EVI5: variants seen among roughly 807,000 people sequenced by gnomAD.
EVI5 encodes the protein ecotropic viral integration site 5 protein homolog.
In EVI5, 73 loss-of-function variants were observed where a neutral mutation model predicts 112.0. The observed-to-expected ratio is 0.65, with a 90% CI of 0.54 to 0.79. The LOEUF is 0.79. EVI5 is among the 30% of genes least tolerant of loss of function. The pLI, the probability that EVI5 is intolerant of heterozygous loss-of-function variation, is 0.00. For missense variants in EVI5, 900 were observed against 968.8 expected (o/e 0.93, Z 0.94); for synonymous variants, 305 against 319.9 (o/e 0.95, Z 0.50).
intron 19 of EVI5, among the ~76,000 whole-genome samples, chr1:92,560,508 G>A (rs956129872): frequency 6.6e-6 from 1 of 152,064 alleles, no homozygotes; most frequent in African/African-American, 2.4e-5. Flanking sequence ...GTAAACTTTT[G>A]ACTTGGACAC....
chr1:92,616,955 G>A (rs898492009), intron 16 of EVI5, among the ~76,000 whole-genome samples: 1 of 152,228 alleles, frequency 6.6e-6, no homozygotes, highest in East Asian at 1.9e-4. Context: ...GGACAAGTAA[G>A]TTTCATGAGG....
chr1:92,577,911 T>C (rs1396113829), intron 18 of EVI5, among the ~76,000 whole-genome samples: 1 of 152,164 alleles, frequency 6.6e-6, no homozygotes, highest in African/African-American at 2.4e-5. Context: ...TCTGGCTTTG[T>C]TGTTGTTTTT....
At position 92,533,403 on chromosome 1, in the gene EVI5, T is replaced by C. The variant is rs111369501; in HGVS notation, c.2167-19433A>G. Among the ~76,000 whole-genome samples the C allele has an allele frequency of 2.8e-3, 430 of 152,120 alleles. 1 individual carries two copies. Among genetic ancestry groups the C allele is most frequent in the African/African-American group, 9.2e-3 (383 of 41,492 alleles). On this transcript the variant is annotated intron_variant, in intron 19 of 19. Coordinates refer to ENST00000684568, the MANE Select transcript of EVI5 (RefSeq NM_001350197.2). ...TTCCTTCTGAAACTATTCCAAACGATAGAAAAAGAGGGAATCCTCCTTAAC... is the reference window on the plus strand; with the variant it reads ...TTCCTTCTGAAACTATTCCAAACGACAGAAAAAGAGGGAATCCTCCTTAAC...
chr1:92,769,634 C>A (rs1340455800), intron 1 of EVI5, among the ~76,000 whole-genome samples: 1 of 152,026 alleles, frequency 6.6e-6, no homozygotes, highest in African/African-American at 2.4e-5. Context: ...GCCTGTAATC[C>A]CAGCACTTTG....
At chr1:92,658,184 A>C (rs1026665932) in intron 13 of EVI5, among the ~76,000 whole-genome samples, 1 of 152,260 alleles carries the variant, frequency 6.6e-6, no homozygotes, top group African/African-American at 2.4e-5. Flanking sequence ...GAACAAGACA[A>C]GGATGCTTAC....
Position 92,532,975 on chromosome 1 carries a change from C to CA in EVI5, c.2167-19006dup, listed in dbSNP as rs548957506. ...GGAGATAGAGACACAAAAAACCCTT[C>CA]AAAAAAATCAATGAATCTAGGAACT... On this transcript the variant is annotated intron_variant, in intron 19 of 19. Coordinates refer to ENST00000684568, the MANE Select transcript of EVI5 (RefSeq NM_001350197.2). Among the ~76,000 whole-genome samples, 10 of 135,432 alleles carry CA rather than the reference C, an allele frequency of 7.4e-5. 1 individual carries two copies. The highest frequency in any genetic ancestry group is 4.9e-4 in the South Asian group (2 of 4,068). The allele number at this position is 135,432 out of a possible 152,430, so 88.8% of individuals were successfully genotyped here.
chr1:92,765,847 G>T (rs555458543), intron 1 of EVI5, among the ~76,000 whole-genome samples: 1 of 151,994 alleles, frequency 6.6e-6, no homozygotes, highest in Non-Finnish European at 1.5e-5. Flanking sequence ...AAGCCAAGGC[G>T]GGAGGGTCGC....
chr1:92,565,949 A>AAAAAAC (rs1491123314), intron 18 of EVI5, among the ~76,000 whole-genome samples: 1 of 67,218 alleles, frequency 1.5e-5, no homozygotes. Flanking sequence ...CAGCCCGAGC[A>AAAAAAC]AAAAAAAAAA....
At chr1:92,633,659 T>A (rs74414526) in intron 14 of EVI5, among the ~76,000 whole-genome samples, 1 of 152,250 alleles carries the variant, frequency 6.6e-6, no homozygotes, top group Non-Finnish European at 1.5e-5. Context: ...ATTGGAGCAT[T>A]TAGCCCCTTT....
At chr1:92,523,556 A>G (rs1014371022) in intron 19 of EVI5, among the ~76,000 whole-genome samples, 1 of 152,172 alleles carries the variant, frequency 6.6e-6, no homozygotes, top group African/African-American at 2.4e-5. Flanking sequence ...GTTTCTTTCT[A>G]ATGAATGTCT....
At chr1:92,775,521 A>G (rs1174518798) in intron 1 of EVI5, among the ~76,000 whole-genome samples, 1 of 152,168 alleles carries the variant, frequency 6.6e-6, no homozygotes, top group Non-Finnish European at 1.5e-5. Flanking sequence ...ACTGTGTTAC[A>G]ACTGCCTACA....
intron 13 of EVI5, among the ~76,000 whole-genome samples, chr1:92,639,075 T>C (rs559476378): frequency 4.8e-4 from 73 of 152,264 alleles, no homozygotes; most frequent in African/African-American, 1.7e-3. Flanking sequence ...AGCCGTTTAT[T>C]TAAAAGCATA....
Position 92,633,868 on chromosome 1 carries a change from C to T in EVI5, c.1527+2334G>A, listed in dbSNP as rs530428146. ...GCTTCCTTCAGGAGCTCTTTTAGGG[C>T]AGGCCTGGTGGTGACAAAATCTCTC... On this transcript the variant is annotated intron_variant, in intron 14 of 19. Coordinates refer to ENST00000684568, the MANE Select transcript of EVI5 (RefSeq NM_001350197.2). Among the ~76,000 whole-genome samples the T allele has an allele frequency of 2.6e-5, 4 of 152,272 alleles. No homozygotes were observed. In the South Asian group the frequency reaches 8.3e-4, roughly 32 times the overall value.
chr1:92,651,621 G>A (rs958773027), intron 13 of EVI5, among the ~76,000 whole-genome samples: 1 of 151,556 alleles, frequency 6.6e-6, no homozygotes, highest in Non-Finnish European at 1.5e-5. Context: ...GGAGGCCGAG[G>A]CGGGCGGATC....
Position 92,598,447 on chromosome 1 carries a change from A to C in EVI5, c.2070+6860T>G, listed in dbSNP as rs142932309. ...AAGTAGTAATTGTTATGAAGAAAAAATAAACCAACATAAGAGTCTAGTAAC... is the reference window on the plus strand; with the variant it reads ...AAGTAGTAATTGTTATGAAGAAAAACTAAACCAACATAAGAGTCTAGTAAC... On this transcript the variant is annotated intron_variant, in intron 18 of 19. Coordinates refer to ENST00000684568, the MANE Select transcript of EVI5 (RefSeq NM_001350197.2). Among the ~76,000 whole-genome samples, 232 of 152,284 alleles carry C rather than the reference A, an allele frequency of 1.5e-3. 2 individuals are homozygous for C. The highest frequency in any genetic ancestry group is 0.01 in the Middle Eastern group (3 of 294).
chr1:92,551,485 A>G (rs960180251), intron 19 of EVI5, among the ~76,000 whole-genome samples: 18 of 152,206 alleles, frequency 1.2e-4, no homozygotes, highest in African/African-American at 4.1e-4. Context: ...CTCAAGCCCT[A>G]AAACCAGAGT....
chr1:92,767,082 CA>C (rs35316799), intron 1 of EVI5, among the ~76,000 whole-genome samples: 54 of 113,194 alleles, frequency 4.8e-4, no homozygotes, highest in Middle Eastern at 4.5e-3. Context: ...GACTCCCTCT[CA>C]AAAAAAAAAA....
At chr1:92,521,691 C>CAA (rs1206621877) in intron 19 of EVI5, among the ~76,000 whole-genome samples, 6 of 81,880 alleles carry the variant, frequency 7.3e-5, no homozygotes, top group African/African-American at 8.7e-5. Context: ...GACTCCGTCT[C>CAA]AAAAAAAAAA....
rs886149591 is a variant in EVI5, at chr1:92,702,208, G to C, written c.572C>G (p.Ser191Cys). The C allele has an allele frequency of 3.3e-6, 5 of 1,509,044 alleles. No individual in the cohort carries two copies. The highest frequency in any genetic ancestry group is 1.5e-5 in the African/African-American group (1 of 67,990). The allele number at this position is 1,509,044 out of a possible 1,614,324, so 93.5% of individuals were successfully genotyped here. A position where few individuals can be genotyped will look rare whatever the true frequency, so the allele number is the denominator to read the frequency against. ...GTAACCAACCTCACGATCTACTAAA[G>C]AGTAAGCCTAAAAAGTAAAAAAAAG... Reference protein sequence around the residue: ...EVLFNVMKAYSLVDREVGYCQ... With the variant: ...EVLFNVMKAYCLVDREVGYCQ... Residue 191 changes from serine (S) to cysteine (C), a missense_variant, in exon 5 of 20, where the codon TCT (serine) becomes TGT (cysteine). Ser to Cys is a moderately radical substitution (Grantham distance 112). Coordinates refer to ENST00000684568, the MANE Select transcript of EVI5 (RefSeq NM_001350197.2).
Sources: allele counts gnomAD v4.1 joint callset (sites outside exome capture counted in the v4.1 genomes callset), GRCh38; gene constraint gnomAD v4.1.1; transcripts MANE v1.5; gene names NCBI Gene and HGNC (gene_info 2026-07-23, HGNC 2026-07-21).